TYR: variants seen among roughly 807,000 people sequenced by gnomAD.
TYR encodes the protein tyrosinase, also known as LB24-AB.
Under a neutral mutation model 51.5 loss-of-function variants are expected in TYR, and 58 were observed. That is an observed-to-expected ratio of 1.13 (90% confidence interval 0.91 to 1.40). The LOEUF is 1.40. TYR is among the 40% of genes most tolerant of loss of function. The pLI, the probability that TYR is intolerant of heterozygous loss-of-function variation, is 0.00. For synonymous variants in TYR, 263 were observed against 235.2 expected, an observed-to-expected ratio of 1.12 and a Z score of -1.08; for missense variants, 732 against 647.4, an observed-to-expected ratio of 1.13 and a Z score of -1.42.
intron 4 of TYR, among the ~76,000 whole-genome samples, chr11:89,291,364 A>AT (rs1230525808): frequency 6.6e-6 from 1 of 151,912 alleles, no homozygotes; most frequent in Admixed American, 6.6e-5. Context: ...GCCGTATTTT[A>AT]TTTTTTTACT....
intron 3 of TYR, among the ~76,000 whole-genome samples, chr11:89,261,207 G>A (rs1427577354): frequency 2.0e-5 from 3 of 152,084 alleles, no homozygotes; most frequent in African/African-American, 7.2e-5. Context: ...ATAGAAAAAT[G>A]TCAAGAATAA....
Position 89,191,239 on chromosome 11 carries a change from A to G in TYR, c.857A>G (p.Gln286Arg), listed in dbSNP as rs1164854710. The G allele has an allele frequency of 6.2e-7, 1 of 1,613,626 alleles. No individual in the cohort carries two copies. Among genetic ancestry groups the G allele is most frequent in the South Asian group, 1.1e-5 (1 of 91,078 alleles). ...CGATTGGAGGAGTACAACAGCCATC[A>G]GTCTTTATGCAATGGAACGCCCGAG... ...CSRLEEYNSH[Q>R]SLCNGTPEGP... The change falls in exon 2 of 5, where the codon CAG becomes CGG. Residue 286 changes from glutamine to arginine, a missense_variant. By Grantham distance (43) the Gln-to-Arg change is conservative. Transcript: ENST00000263321.
intron 2 of TYR, among the ~76,000 whole-genome samples, chr11:89,194,327 C>T (rs1377861339): frequency 6.6e-6 from 1 of 152,102 alleles, no homozygotes; most frequent in Non-Finnish European, 1.5e-5. Context: ...AGCCAAAATT[C>T]CACATAGGTG....
chr11:89,218,192 C>T (rs1943860695), intron 2 of TYR, among the ~76,000 whole-genome samples: 1 of 152,050 alleles, frequency 6.6e-6, no homozygotes, highest in African/African-American at 2.4e-5. Flanking sequence ...AAGACATAAA[C>T]CTTAGAACAT....
chr11:89,251,744 G>T (rs1944332928), intron 3 of TYR, among the ~76,000 whole-genome samples: 1 of 151,786 alleles, frequency 6.6e-6, no homozygotes, highest in Non-Finnish European at 1.5e-5. Context: ...CACATGATGG[G>T]GTATTCTTTT....
In TYR at chr11:89,258,237, A is replaced by T. The variant is rs148112849; in HGVS notation, c.1185-26536A>T. Among the ~76,000 whole-genome samples the T allele has an allele frequency of 9.1e-3, 1,384 of 152,142 alleles. 18 individuals carry two copies. Among genetic ancestry groups the T allele is most frequent in the African/African-American group, 0.031 (1,274 of 41,540 alleles). On this transcript the variant is annotated intron_variant, in intron 3 of 4. Transcript: ENST00000263321. ...GTTTCTTTTAACTATTTATAATTTG[A>T]GGAATTATGACACCTGATACCTTGA...
chr11:89,254,469 G>C (rs1224259999), intron 3 of TYR, among the ~76,000 whole-genome samples: 2 of 151,466 alleles, frequency 1.3e-5, no homozygotes, highest in African/African-American at 4.8e-5. Context: ...TTTTGTTGTT[G>C]TTGGTAATTT....
At chr11:89,245,929 A>AG (rs1055189856) in intron 3 of TYR, among the ~76,000 whole-genome samples, 2 of 151,372 alleles carry the variant, frequency 1.3e-5, no homozygotes, top group African/African-American at 4.9e-5. Context: ...TCAAAAAAAA[A>AG]AAACAAACAA....
At chr11:89,186,187 A>G (rs999205995) in intron 1 of TYR, among the ~76,000 whole-genome samples, 1 of 152,188 alleles carries the variant, frequency 6.6e-6, no homozygotes, top group African/African-American at 2.4e-5. Context: ...GAGCACATGG[A>G]GAATGGTTGC....
At chr11:89,281,036 G>A (rs540239349) in intron 3 of TYR, among the ~76,000 whole-genome samples, 29 of 151,840 alleles carry the variant, frequency 1.9e-4, no homozygotes, top group Non-Finnish European at 3.7e-4. Context: ...TAAAGTATGA[G>A]AGAGGGGAGT....
chr11:89,291,962 T>G (rs1371113862), intron 4 of TYR, among the ~76,000 whole-genome samples: 1 of 152,050 alleles, frequency 6.6e-6, no homozygotes, highest in Non-Finnish European at 1.5e-5. Flanking sequence ...ACTACTACAA[T>G]ATTATTTACA....
intron 3 of TYR, among the ~76,000 whole-genome samples, chr11:89,253,332 T>C (rs1361484883): frequency 6.6e-6 from 1 of 151,740 alleles, no homozygotes. Flanking sequence ...TATTGTTGAG[T>C]TCTGCTCTTA....
chr11:89,217,927 AT>A (rs1943853529), intron 2 of TYR, among the ~76,000 whole-genome samples: 1 of 152,134 alleles, frequency 6.6e-6, no homozygotes. Flanking sequence ...TTTCCCAAAA[AT>A]TTATTATTCC....
intron 3 of TYR, among the ~76,000 whole-genome samples, chr11:89,277,500 C>G (rs58893107): frequency 0.091 from 13,762 of 151,678 alleles, 854 homozygotes; most frequent in African/African-American, 0.17. Context: ...GGTTGGTGAG[C>G]TGACTTCTCA....
At chr11:89,230,035 AAC>A (rs1465536879) in intron 3 of TYR, among the ~76,000 whole-genome samples, 8 of 152,238 alleles carry the variant, frequency 5.3e-5, no homozygotes, top group African/African-American at 1.7e-4. Flanking sequence ...AAAATAGAAA[AAC>A]AGTCTTCAAA....
intron 3 of TYR, among the ~76,000 whole-genome samples, chr11:89,237,319 A>C (rs1348620044): frequency 2.6e-5 from 4 of 152,102 alleles, no homozygotes; most frequent in Non-Finnish European, 5.9e-5. Flanking sequence ...TTCTTCTAGC[A>C]GTTTCACAGT....
At chr11:89,184,884 T>C (rs539825496) in intron 1 of TYR, among the ~76,000 whole-genome samples, 14 of 152,314 alleles carry the variant, frequency 9.2e-5, no homozygotes, top group Middle Eastern at 3.4e-3. Context: ...GTAGGTTCTC[T>C]AAGCATTTCT....
At chr11:89,213,506 T>C (rs1943790021) in intron 2 of TYR, among the ~76,000 whole-genome samples, 1 of 152,164 alleles carries the variant, frequency 6.6e-6, no homozygotes, top group African/African-American at 2.4e-5. Context: ...AAAATGGTCA[T>C]ACTGCCCAAA....
At chr11:89,197,594 T>C (rs553944129) in intron 2 of TYR, among the ~76,000 whole-genome samples, 5 of 152,236 alleles carry the variant, frequency 3.3e-5, no homozygotes, top group African/African-American at 1.2e-4. Context: ...CTTCAAAAGA[T>C]ATGATGTTAG....
Sources: gnomAD v4.1 joint callset for allele counts (sites outside exome capture counted in the v4.1 genomes callset) on GRCh38, gnomAD v4.1.1 for gene constraint, MANE v1.5 for transcripts, NCBI Gene and HGNC (gene_info 2026-07-23, HGNC 2026-07-21) for gene names.